Variants in L3MBTL4 observed in about 807,000 individuals in gnomAD.
L3MBTL4 encodes L3MBTL histone methyl-lysine binding protein 4.
Under a neutral mutation model 84.5 loss-of-function variants are expected in L3MBTL4, and 70 were observed. The ratio of observed to expected loss-of-function variants is 0.83; its 90% confidence interval spans 0.68 to 1.01. The LOEUF (loss-of-function observed/expected upper bound fraction) is 1.01. Among genes scored for constraint, L3MBTL4 ranks in the 50% least tolerant of loss-of-function variants. The pLI is 0.00. For synonymous variants in L3MBTL4, 274 were observed against 259.8 expected, an observed-to-expected ratio of 1.05 and a Z score of -0.52; for missense variants, 715 against 754.8, an observed-to-expected ratio of 0.95 and a Z score of 0.62.
intron 1 of L3MBTL4, among the ~76,000 whole-genome samples, chr18:6,368,784 G>T (rs1416607380): frequency 6.6e-6 from 1 of 152,180 alleles, no homozygotes; most frequent in Non-Finnish European, 1.5e-5. Context: ...GCTCACGCCT[G>T]TAATCCCAGC....
chr18:6,094,042 T>C (rs1425978996), intron 14 of L3MBTL4, among the ~76,000 whole-genome samples: 1 of 152,194 alleles, frequency 6.6e-6, no homozygotes, highest in African/African-American at 2.4e-5. Context: ...GGCTGGGGTG[T>C]GAAAGGATAC....
chr18:6,203,738 G>A (rs554030645), intron 12 of L3MBTL4, among the ~76,000 whole-genome samples: 239 of 152,212 alleles, frequency 1.6e-3, no homozygotes, highest in Non-Finnish European at 2.9e-3. Flanking sequence ...GTGGGATCTC[G>A]TTAAAACACA....
chr18:6,095,735 G>T (rs1244332925), intron 14 of L3MBTL4, among the ~76,000 whole-genome samples: 2 of 152,192 alleles, frequency 1.3e-5, no homozygotes, highest in Non-Finnish European at 2.9e-5. Flanking sequence ...CCAGAGGCAA[G>T]TATTTACAGG....
chr18:6,370,501 G>A lies in L3MBTL4; in HGVS notation c.-91+44300C>T, dbSNP rs149607656. Among the ~76,000 whole-genome samples the A allele has an allele frequency of 1.2e-4, 18 of 152,242 alleles. No individual in the cohort carries two copies. The East Asian group carries it at 1.7e-3, about 15-fold the overall frequency. On this transcript the variant is annotated intron_variant, in intron 1 of 18. Coordinates refer to ENST00000317931, the MANE Select transcript of L3MBTL4 (RefSeq NM_001330559.2). ...TCTATGAGCAGCTGTGGGAAACCAC[G>A]CCTCCCGTTCAGCACAGCACAGTCC...
chr18:6,291,983 ACAC>A (rs1416163870), intron 4 of L3MBTL4, among the ~76,000 whole-genome samples: 2 of 145,468 alleles, frequency 1.4e-5, no homozygotes, highest in Non-Finnish European at 1.5e-5. Flanking sequence ...AAGCAATTCA[ACAC>A]CAACACCACT....
chr18:6,234,650 T>C (rs1452445757), intron 10 of L3MBTL4, among the ~76,000 whole-genome samples: 1 of 152,118 alleles, frequency 6.6e-6, no homozygotes, highest in African/African-American at 2.4e-5. Context: ...TGGCGATCAT[T>C]AAAAAGTCAG....
chr18:6,033,596 G>A (rs2055951246), intron 16 of L3MBTL4, among the ~76,000 whole-genome samples: 1 of 152,022 alleles, frequency 6.6e-6, no homozygotes, highest in Admixed American at 6.6e-5. Flanking sequence ...TACATTTCTT[G>A]TAATTACAAT....
intron 4 of L3MBTL4, among the ~76,000 whole-genome samples, chr18:6,289,991 A>G (rs1027589070): frequency 6.6e-6 from 1 of 152,142 alleles, no homozygotes; most frequent in Admixed American, 6.5e-5. Context: ...TGGTGTGATC[A>G]TAACTCACAG....
intron 10 of L3MBTL4, among the ~76,000 whole-genome samples, chr18:6,230,399 A>G (rs1368368400): frequency 6.6e-6 from 1 of 152,150 alleles, no homozygotes; most frequent in Non-Finnish European, 1.5e-5. Context: ...ACATTGCTAT[A>G]AAGGACATGA....
intron 16 of L3MBTL4, among the ~76,000 whole-genome samples, chr18:6,007,737 A>G (rs542946297): frequency 2.0e-5 from 3 of 152,324 alleles, no homozygotes; most frequent in African/African-American, 7.2e-5. Context: ...ATAATGATAT[A>G]TCCATCCAGT....
At chr18:6,067,986 C>T (rs112900054) in intron 16 of L3MBTL4, among the ~76,000 whole-genome samples, 4 of 151,984 alleles carry the variant, frequency 2.6e-5, no homozygotes, top group Non-Finnish European at 5.9e-5. Flanking sequence ...CTTCTTTTCC[C>T]TCTTAAGGAT....
chr18:6,095,261 C>T (rs1335801917), intron 14 of L3MBTL4, among the ~76,000 whole-genome samples: 3 of 152,046 alleles, frequency 2.0e-5, no homozygotes, highest in African/African-American at 4.8e-5. Context: ...AGCAACTTTA[C>T]CAAGGCCTTG....
At chr18:6,030,061 C>T (rs1050612429) in intron 16 of L3MBTL4, 27 of 985,188 alleles carry the variant, frequency 2.7e-5, no homozygotes, top group South Asian at 9.4e-5. Context: ...AAGAACTGCT[C>T]GTCAGATTTT....
intron 5 of L3MBTL4, among the ~76,000 whole-genome samples, chr18:6,261,759 T>A (rs2048410282): frequency 6.6e-6 from 1 of 152,158 alleles, no homozygotes; most frequent in Non-Finnish European, 1.5e-5. Flanking sequence ...CCTGCAGGTG[T>A]TCTTGCTCTG....
At chr18:6,164,060 T>A (rs35007161) in intron 13 of L3MBTL4, among the ~76,000 whole-genome samples, 23 of 152,144 alleles carry the variant, frequency 1.5e-4, no homozygotes, top group Non-Finnish European at 3.1e-4. Context: ...GAAGGTCCTA[T>A]GCCCACGGAG....
chr18:6,242,318 C>G (rs1304050330), intron 7 of L3MBTL4, among the ~76,000 whole-genome samples: 1 of 152,200 alleles, frequency 6.6e-6, no homozygotes, highest in Non-Finnish European at 1.5e-5. Context: ...TCACCCACGT[C>G]TCTTTGGAAC....
At chr18:6,361,155 T>G (rs1271196922) in intron 1 of L3MBTL4, among the ~76,000 whole-genome samples, 1 of 151,998 alleles carries the variant, frequency 6.6e-6, no homozygotes, top group African/African-American at 2.4e-5. Context: ...TGGCCTACAA[T>G]GGGTGAAGCA....
chr18:6,341,195 A>G (rs904864603), intron 1 of L3MBTL4, among the ~76,000 whole-genome samples: 7 of 152,118 alleles, frequency 4.6e-5, no homozygotes, highest in African/African-American at 1.4e-4. Context: ...CAAAGAAACA[A>G]TGCAATGCTT....
At chr18:6,022,142 A>C (rs1025060457) in intron 16 of L3MBTL4, among the ~76,000 whole-genome samples, 2 of 152,128 alleles carry the variant, frequency 1.3e-5, no homozygotes, top group African/African-American at 4.8e-5. Flanking sequence ...TGTACAATCT[A>C]TTTCTCCACA....
Sources: gnomAD v4.1 joint callset for allele counts (sites outside exome capture counted in the v4.1 genomes callset) on GRCh38, gnomAD v4.1.1 for gene constraint, MANE v1.5 for transcripts, NCBI Gene and HGNC (gene_info 2026-07-23, HGNC 2026-07-21) for gene names.